Variants in ZGPAT observed in about 807,000 individuals in gnomAD.
ZGPAT encodes the protein zinc finger CCCH-type with G patch domain-containing protein.
A neutral mutation model predicts 47.9 loss-of-function variants in ZGPAT; 39 were observed. The ratio of observed to expected loss-of-function variants is 0.81; its 90% CI spans 0.63 to 1.06. The LOEUF (loss-of-function observed/expected upper bound fraction) is 1.06. Among genes scored for constraint, ZGPAT ranks in the 50% least tolerant of loss-of-function variants. ZGPAT has a pLI of 0.00. For missense variants in ZGPAT, 717 were observed against 681.4 expected (o/e 1.05, Z -0.58); for synonymous variants, 348 against 292.9 (o/e 1.19, Z -1.92).
At chr20:63,732,686 GTGTATGCA>G (rs1201838509) in intron 2 of ZGPAT, among the ~76,000 whole-genome samples, 5 of 151,578 alleles carry the variant, frequency 3.3e-5, no homozygotes, top group South Asian at 2.1e-4. Context: ...GTGTGCATGT[GTGTATGCA>G]TGTGTATACA....
chr20:63,732,343 G>GTGTGTGCATGTGTC lies in ZGPAT; in HGVS notation c.585-876_585-875insTGTGTGCATGTGTC, dbSNP rs1568799406. ...GGCATGTGTGTGCACGTGTGTGGGT[G>GTGTGTGCATGTGTC]AGGTGTGTGTGTGCATGTGTCAGGG... On this transcript the variant is annotated intron_variant, in intron 2 of 6. Transcript: ENST00000355969. Among the ~76,000 whole-genome samples, 268 of 36,092 alleles carry GTGTGTGCATGTGTC rather than the reference G, an allele frequency of 7.4e-3. 2 individuals carry two copies. The highest frequency in any genetic ancestry group is 0.021 in the African/African-American group (187 of 9,038). The allele number at this position is 36,092 out of a possible 152,430, so 23.7% of individuals were successfully genotyped here. A position where few individuals can be genotyped will look rare whatever the true frequency, so the allele number is the denominator to read the frequency against.
intron 2 of ZGPAT, among the ~76,000 whole-genome samples, chr20:63,732,613 CTCTGTG>C (rs1333118046): frequency 1.6e-4 from 5 of 30,492 alleles, no homozygotes; most frequent in Non-Finnish European, 3.8e-4. Context: ...GTGTCAGGGT[CTCTGTG>C]TATGTGTATG....
At chr20:63,715,332 C>T (rs1383453101) in intron 2 of ZGPAT, among the ~76,000 whole-genome samples, 8 of 150,782 alleles carry the variant, frequency 5.3e-5, no homozygotes, top group East Asian at 1.9e-4. Context: ...CTCCATCTCC[C>T]GGGTTCAAGC....
At chr20:63,733,452 G>T in intron 3 of ZGPAT, 100 bp downstream of exon 3, 1 of 1,596,234 alleles carries the variant, frequency 6.3e-7, no homozygotes, top group South Asian at 1.1e-5. Context: ...TGAGTGTCGG[G>T]ACTCTGGCTC....
intron 2 of ZGPAT, among the ~76,000 whole-genome samples, 195 bp from the exon 3 acceptor site, chr20:63,733,024 G>A (rs6011067): frequency 9.9e-5 from 15 of 151,850 alleles, no homozygotes; most frequent in African/African-American, 3.4e-4. Context: ...GTATGTGTGC[G>A]TGAGTGTGTG....
chr20:63,734,400 G>A, intron 4 of ZGPAT: 2 of 468,298 alleles, frequency 4.3e-6, no homozygotes, highest in Non-Finnish European at 7.6e-6. Flanking sequence ...GCCTCGCGAA[G>A]GTGGAGAAGG....
rs1386507515 is a variant in ZGPAT, at chr20:63,732,615, CTGTGTA to C, written c.585-595_585-590del. Among the ~76,000 whole-genome samples, 198 of 151,946 alleles carry C rather than the reference CTGTGTA, an allele frequency of 1.3e-3. 2 individuals are homozygous for C. In the East Asian group the frequency reaches 0.016, roughly 12 times the overall value. ...CATGTTTATACGCGTGTCAGGGTCT[CTGTGTA>C]TGTGTATGACGTGTGAGTACATGTG... On this transcript the variant is annotated intron_variant, in intron 2 of 6. Coordinates refer to ENST00000355969, the MANE Select transcript of ZGPAT (RefSeq NM_181485.3).
chr20:63,725,691 AT>A (rs1481960547), intron 2 of ZGPAT, among the ~76,000 whole-genome samples: 1 of 142,048 alleles, frequency 7.0e-6, no homozygotes, highest in East Asian at 2.0e-4. Flanking sequence ...ATTTCAACAA[AT>A]TTTTTTCCTG....
upstream of ZGPAT, chr20:63,707,950 A>T (rs2091579231): frequency 6.6e-6 from 1 of 152,080 alleles, no homozygotes; most frequent in Admixed American, 6.6e-5. Context: ...GCGGCGCCTG[A>T]CGGGACGCGG....
chr20:63,718,949 C>T (rs548313929), intron 2 of ZGPAT, among the ~76,000 whole-genome samples: 2 of 151,892 alleles, frequency 1.3e-5, no homozygotes, highest in African/African-American at 4.8e-5. Context: ...GCCTGTAGTC[C>T]CAGCTACTCG....
intron 2 of ZGPAT, among the ~76,000 whole-genome samples, chr20:63,730,970 CTGTGTG>C (rs139077471): frequency 1.5e-3 from 176 of 115,128 alleles, no homozygotes; most frequent in African/African-American, 6.9e-3. Context: ...CTCTCTCTCT[CTGTGTG>C]TGTGTGTGTG....
chr20:63,715,276 C>G (rs1311436106), intron 2 of ZGPAT, among the ~76,000 whole-genome samples: 2 of 146,184 alleles, frequency 1.4e-5, no homozygotes, highest in Non-Finnish European at 3.0e-5. Context: ...GAGTCTCACT[C>G]TGTCGCCGGG....
chr20:63,708,010 C>G (rs934358040), upstream of ZGPAT: 1 of 152,136 alleles, frequency 6.6e-6, no homozygotes, highest in Non-Finnish European at 1.5e-5. Context: ...CTCCGCGCTC[C>G]GCTTCCCGGC....
At chr20:63,725,437 C>T (rs1022415973) in intron 2 of ZGPAT, among the ~76,000 whole-genome samples, 1 of 152,210 alleles carries the variant, frequency 6.6e-6, no homozygotes, top group Admixed American at 6.5e-5. Context: ...ATCATGCTAC[C>T]TTCTGGGTTC....
In ZGPAT at chr20:63,733,370, G is replaced by A; in HGVS notation, c.718+18G>A. On this transcript the variant is annotated intron_variant, in intron 3 of 6. Coordinates refer to ENST00000355969, the MANE Select transcript of ZGPAT (RefSeq NM_181485.3). ...CATCACCGGTGAGGCTGGCCGTGGGGGCCTCCCGGGAACACCCTCCCAGGC... is the reference window on the plus strand; with the variant it reads ...CATCACCGGTGAGGCTGGCCGTGGGAGCCTCCCGGGAACACCCTCCCAGGC... The A allele has an allele frequency of 6.2e-7, 1 of 1,606,834 alleles. No homozygotes were observed. The highest frequency in any genetic ancestry group is 8.5e-7 in the Non-Finnish European group (1 of 1,177,828).
At chr20:63,721,726 T>C (rs967628863) in intron 2 of ZGPAT, among the ~76,000 whole-genome samples, 1 of 152,068 alleles carries the variant, frequency 6.6e-6, no homozygotes, top group Admixed American at 6.6e-5. Flanking sequence ...TACCTGTAAA[T>C]GCCTTCAGGC....
chr20:63,710,549 G>T (rs1048352755), intron 2 of ZGPAT, among the ~76,000 whole-genome samples: 3 of 152,132 alleles, frequency 2.0e-5, no homozygotes, highest in Admixed American at 1.3e-4. Flanking sequence ...CATAATCACC[G>T]CCCACGGTCC....
intron 2 of ZGPAT, among the ~76,000 whole-genome samples, chr20:63,709,616 A>G (rs2091634881): frequency 6.6e-6 from 1 of 152,032 alleles, no homozygotes; most frequent in South Asian, 2.1e-4. Context: ...CAGCCCGAGC[A>G]GCAGTGCAAG....
rs775523781 is a variant in ZGPAT, at chr20:63,733,647, T to C, written c.779T>C (p.Val260Ala). 1.2e-6 allele frequency: 2 copies of C among 1,613,698 alleles called. No homozygotes were observed. The highest frequency in any genetic ancestry group is 1.7e-5 in the Admixed American group (1 of 60,000). ...FDSLLLREAV[V>A]EGDGILPPLR... ...TCGCTGCTGCTGAGGGAGGCCGTGG[T>C]GGAGGGGGACGGCATCCTGCCCCCA... The change falls in exon 4 of 7, where the codon GTG becomes GCG. Residue 260 changes from valine to alanine, a missense_variant. Physicochemically the swap from Val to Ala is moderately conservative, Grantham distance 64. Transcript: ENST00000355969.
Sources: gnomAD v4.1 joint callset for allele counts (sites outside exome capture counted in the v4.1 genomes callset) on GRCh38, gnomAD v4.1.1 for gene constraint, MANE v1.5 for transcripts, NCBI Gene and HGNC (gene_info 2026-07-23, HGNC 2026-07-21) for gene names.